Variants in UGT3A1 observed in about 807,000 individuals in gnomAD.
The protein encoded by UGT3A1 is UDP glycosyltransferase family 3 member A1, also known as UDP-glycosyltransferase 3A1.
Under a neutral mutation model 37.6 loss-of-function variants are expected in UGT3A1, and 40 were observed. The ratio of observed to expected loss-of-function variants is 1.06; its 90% CI spans 0.83 to 1.38. The LOEUF (loss-of-function observed/expected upper bound fraction) is 1.38, where lower values mean the gene tolerates loss of function less well. Among genes scored for constraint, UGT3A1 ranks in the 40% most tolerant of loss-of-function variants. The pLI is 0.00. For synonymous variants in UGT3A1, 256 were observed against 232.3 expected (o/e 1.10, Z -0.93); for missense variants, 642 against 634.2 (o/e 1.01, Z -0.13).
At chr5:35,968,281 T>G in intron 2 of UGT3A1, 148 bp from the exon 3 acceptor site, 1 of 585,092 alleles carries the variant, frequency 1.7e-6, no homozygotes, top group African/African-American at 1.9e-5. Context: ...TTTTTCTTTT[T>G]CATTCATTCA....
chr5:35,967,815 G>T (rs1374014), intron 3 of UGT3A1, among the ~76,000 whole-genome samples: 1 of 152,002 alleles, frequency 6.6e-6, no homozygotes, highest in East Asian at 1.9e-4. Flanking sequence ...CAACCACCCA[G>T]CTGTCCTCTA....
At chr5:35,968,181 G>T in intron 2 of UGT3A1, 48 bp from the exon 3 acceptor site, 1 of 1,101,798 alleles carries the variant, frequency 9.1e-7, no homozygotes, top group Non-Finnish European at 1.3e-6. Context: ...CATACAACAT[G>T]GATTAACATT....
At chr5:35,992,918 C>T (rs1740993558), upstream of UGT3A1, among the ~76,000 whole-genome samples, 1 of 152,192 alleles carries the variant, frequency 6.6e-6, no homozygotes, top group South Asian at 2.1e-4. Flanking sequence ...CCTTTTGGTT[C>T]CTAAATAAGA....
In UGT3A1 at chr5:35,951,509, T is replaced by C. The variant is rs1739200395; in HGVS notation, c.*2693A>G. On this transcript the variant is annotated 3_prime_UTR_variant, in exon 7 of 7. Transcript: ENST00000274278. ...TAGCTTATTCTGCTTTTGTTTATTGTAGTTTAAAGCTGAATATTATTTCAG... is the reference window on the plus strand; with the variant it reads ...TAGCTTATTCTGCTTTTGTTTATTGCAGTTTAAAGCTGAATATTATTTCAG... The C allele has an allele frequency of 6.6e-6, 1 of 152,228 alleles. No individual in the cohort carries two copies. The highest frequency in any genetic ancestry group is 1.5e-5 in the Non-Finnish European group (1 of 68,028). 9.4% of individuals were successfully genotyped at this position (152,228 alleles called of 1,614,324 possible). A position where few individuals can be genotyped will look rare whatever the true frequency, so the allele number is the denominator to read the frequency against.
chr5:35,986,542 G>A (rs912354963), intron 2 of UGT3A1, among the ~76,000 whole-genome samples: 2 of 152,024 alleles, frequency 1.3e-5, no homozygotes, highest in East Asian at 3.8e-4. Context: ...TGAATTAGAG[G>A]CCATTATATT....
rs1206186822 is a variant in UGT3A1, at chr5:35,952,152, G to T, written c.*2050C>A. 6.6e-6 allele frequency: 1 copy of T among 152,246 alleles called. No homozygotes were observed. The highest frequency in any genetic ancestry group is 1.9e-4 in the East Asian group (1 of 5,194). 9.4% of individuals were successfully genotyped at this position (152,246 alleles called of 1,614,324 possible). A position where few individuals can be genotyped will look rare whatever the true frequency, so the allele number is the denominator to read the frequency against. Reference sequence around the variant, plus strand: ...AATGACACTGGATACTGACAGATAAGCAGAAGTTTCTCATTCCAGCAAGAA... The same window carrying T: ...AATGACACTGGATACTGACAGATAATCAGAAGTTTCTCATTCCAGCAAGAA... On this transcript the variant is annotated 3_prime_UTR_variant, in exon 7 of 7. Transcript: ENST00000274278.
At chr5:35,977,090 G>A (rs372662498) in intron 2 of UGT3A1, among the ~76,000 whole-genome samples, 2 of 68,258 alleles carry the variant, frequency 2.9e-5, no homozygotes, top group Non-Finnish European at 6.3e-5. Context: ...AAGAAAGAAA[G>A]AGAAAGAAAG....
At chr5:35,998,008 T>C (rs568228312) in intron 1 of UGT3A1, among the ~76,000 whole-genome samples, 17 of 152,258 alleles carry the variant, frequency 1.1e-4, no homozygotes, top group African/African-American at 4.1e-4. Context: ...ACTTAGAGGA[T>C]TTTGGGGCCT....
rs539670478 is a variant in UGT3A1 at position 35,984,449 on chromosome 5, G to A, written c.196+4001C>T. On this transcript the variant is annotated intron_variant, in intron 2 of 6. Transcript: ENST00000274278. Reference sequence around the variant, plus strand: ...GAGCTTGTTTCCTTTTTGTGAAATGGGGCTACCATTCAATCTCACAGAATT... The same window carrying A: ...GAGCTTGTTTCCTTTTTGTGAAATGAGGCTACCATTCAATCTCACAGAATT... 3.2e-4 allele frequency among the ~76,000 whole-genome samples: 49 copies of A among 150,864 alleles called. 1 individual carries two copies. The South Asian group carries it at 0.01, about 32-fold the overall frequency.
chr5:35,974,348 A>G (rs1740171683), intron 2 of UGT3A1, among the ~76,000 whole-genome samples: 1 of 152,214 alleles, frequency 6.6e-6, no homozygotes, highest in African/African-American at 2.4e-5. Context: ...CGGTATTGGC[A>G]GAATAATCAT....
At chr5:35,958,315 C>A (rs1358867378) in intron 4 of UGT3A1, among the ~76,000 whole-genome samples, 1 of 152,144 alleles carries the variant, frequency 6.6e-6, no homozygotes, top group African/African-American at 2.4e-5. Flanking sequence ...AGCTCTAGCA[C>A]TGTTTCATCA....
At chr5:35,954,588 C>A in intron 6 of UGT3A1, 110 bp from the exon 7 acceptor site, 1 of 1,360,198 alleles carries the variant, frequency 7.4e-7, no homozygotes, top group Non-Finnish European at 1.0e-6. Flanking sequence ...CTAACACATG[C>A]ACCAAGGCTG....
intron 5 of UGT3A1, 128 bp downstream of exon 5, chr5:35,957,060 G>A (rs912104118): frequency 1.8e-5 from 13 of 720,072 alleles, no homozygotes; most frequent in Non-Finnish European, 2.5e-5. Flanking sequence ...CCTGTCCTCT[G>A]AGCATTACCT....
rs1289838875 is a variant in UGT3A1, at chr5:35,952,788, A to G, written c.*1414T>C. The G allele has an allele frequency of 6.6e-6, 1 of 152,180 alleles. No individual in the cohort carries two copies. The allele number at this position is 152,180 out of a possible 1,614,324, so 9.4% of individuals were successfully genotyped here. On this transcript the variant is annotated 3_prime_UTR_variant, in exon 7 of 7. Transcript: ENST00000274278. ...ATACGCACACAGATACACACACTCT[A>G]ATGTACTTCTGCGTGCTTCATGCTT...
At chr5:35,977,188 C>T (rs866710531) in intron 2 of UGT3A1, among the ~76,000 whole-genome samples, 1 of 152,042 alleles carries the variant, frequency 6.6e-6, no homozygotes, top group African/African-American at 2.4e-5. Flanking sequence ...GTACACAAAA[C>T]GGTCATAGCA....
intron 4 of UGT3A1, among the ~76,000 whole-genome samples, chr5:35,964,413 T>G (rs769525878): frequency 4.6e-5 from 7 of 152,116 alleles, no homozygotes; most frequent in Admixed American, 1.3e-4. Context: ...CTCCCTGACC[T>G]GGGGTGCTTT....
At chr5:35,975,798 A>T (rs1740244626) in intron 2 of UGT3A1, among the ~76,000 whole-genome samples, 1 of 152,130 alleles carries the variant, frequency 6.6e-6, no homozygotes, top group South Asian at 2.1e-4. Context: ...GCACCCATTA[A>T]CACGTCATTT....
intron 2 of UGT3A1, among the ~76,000 whole-genome samples, chr5:35,970,729 C>T (rs1740002592): frequency 6.6e-6 from 1 of 152,072 alleles, no homozygotes; most frequent in African/African-American, 2.4e-5. Context: ...ATTAACAATG[C>T]CCAAAATAGA....
chr5:35,988,477 G>A lies in UGT3A1; in HGVS notation c.169C>T (p.His57Tyr), dbSNP rs770200195. ...GGGATCAAAAACTTTCCACTCTGATGAAGCATAGTCACATTATGACCATGC... is the reference window on the plus strand; with the variant it reads ...GGGATCAAAAACTTTCCACTCTGATAAAGCATAGTCACATTATGACCATGC... ...QEHGHNVTML[H>Y]QSGKFLIPDI... Residue 57 changes from histidine (H) to tyrosine (Y), a missense_variant, in exon 2 of 7, where the codon CAT becomes TAT. Physicochemically the swap from His to Tyr is moderately conservative, Grantham distance 83 (BLOSUM62 2). Transcript: ENST00000274278. The A allele has an allele frequency of 6.2e-7, 1 of 1,609,922 alleles. No individual in the cohort carries two copies. Among genetic ancestry groups the A allele is most frequent in the Non-Finnish European group, 8.5e-7 (1 of 1,178,418 alleles).
Sources: allele counts gnomAD v4.1 joint callset (sites outside exome capture counted in the v4.1 genomes callset), GRCh38; gene constraint gnomAD v4.1.1; transcripts MANE v1.5; gene names NCBI Gene and HGNC (gene_info 2026-07-23, HGNC 2026-07-21).